Variants in SLC17A9 observed in about 807,000 individuals in gnomAD.
The protein encoded by SLC17A9 is solute carrier family 17 member 9.
In SLC17A9, 49 loss-of-function variants were observed where a neutral mutation model predicts 55.0. The ratio of observed to expected loss-of-function variants is 0.89; its 90% confidence interval spans 0.71 to 1.13. The LOEUF is 1.13. Among genes scored for constraint, SLC17A9 ranks in the 50% most tolerant of loss-of-function variants. SLC17A9 has a pLI of 0.00. For synonymous variants in SLC17A9, 256 were observed against 247.4 expected, an observed-to-expected ratio of 1.03 and a Z score of -0.32; for missense variants, 526 against 569.3, an observed-to-expected ratio of 0.92 and a Z score of 0.77.
At chr20:62,953,362 C>T (rs2065508790) in intron 1 of SLC17A9, 8 of 1,444,988 alleles carry the variant, frequency 5.5e-6, no homozygotes, top group Middle Eastern at 2.0e-4. Flanking sequence ...ACGAGCTCCC[C>T]GCTGGCTTCA....
At chr20:62,965,486 G>A in intron 9 of SLC17A9, 124 bp from the exon 10 acceptor site, 1 of 896,868 alleles carries the variant, frequency 1.1e-6, no homozygotes, top group East Asian at 2.4e-5. Flanking sequence ...AGAGAAGTTT[G>A]TGGTCGCAGC....
At position 62,963,637 on chromosome 20, in the gene SLC17A9, C is replaced by G; in HGVS notation, c.779C>G (p.Ser260Cys). Residue 260 changes from serine to cysteine, a missense_variant, in exon 7 of 13, where the codon TCC (serine) becomes TGC (cysteine). Ser to Cys is a moderately radical substitution (Grantham distance 112, BLOSUM62 -1). Transcript: ENST00000370351. ...SAACSFFILL[S>C]WLPTFFEETF... ...GCCTGCTCCTTCTTCATCCTCCTCT[C>G]CTGGCTGCCCACCTTCTTCGAGGAG... is the stretch of plus-strand genomic sequence containing the variant. The G allele has an allele frequency of 6.2e-7, 1 of 1,603,910 alleles. No homozygotes were observed. The highest frequency in any genetic ancestry group is 8.5e-7 in the Non-Finnish European group (1 of 1,175,314).
chr20:62,961,547 G>A (rs2065589025), intron 4 of SLC17A9, among the ~76,000 whole-genome samples: 1 of 152,196 alleles, frequency 6.6e-6, no homozygotes, highest in Admixed American at 6.5e-5. Flanking sequence ...TGGTGCAGGA[G>A]CTGACCGGGG....
chr20:62,955,646 G>A (rs1246328538), intron 1 of SLC17A9, among the ~76,000 whole-genome samples: 10 of 152,172 alleles, frequency 6.6e-5, no homozygotes, highest in Admixed American at 6.5e-4. Context: ...TTTGGACTGT[G>A]TGGCTTTTAG....
At chr20:62,954,945 A>G (rs1335083740) in intron 1 of SLC17A9, among the ~76,000 whole-genome samples, 1 of 152,094 alleles carries the variant, frequency 6.6e-6, no homozygotes, top group Non-Finnish European at 1.5e-5. Context: ...TGCCACCTGG[A>G]CACAGGTCCC....
chr20:62,957,787 CTGTG>C (rs142003988), intron 3 of SLC17A9, among the ~76,000 whole-genome samples: 3 of 125,972 alleles, frequency 2.4e-5, no homozygotes, highest in African/African-American at 5.7e-5. Flanking sequence ...ATGCGTGCAC[CTGTG>C]TGTGTGTGCG....
chr20:62,963,349 C>G lies in SLC17A9; in HGVS notation c.705C>G (p.Leu235=). Residue 235 remains leucine (L), a synonymous_variant, in exon 6 of 13, where the codon CTC becomes CTG. Transcript: ENST00000370351. ...SRHNRVPWRR[L]FRKPAVWAAV... ...ACAACAGAGTCCCCTGGAGACGGCT[C>G]TTCCGGAAGCCTGCTGTCTGGTGAG... 1.2e-6 allele frequency: 2 copies of G among 1,613,636 alleles called. No individual in the cohort carries two copies. Among genetic ancestry groups the G allele is most frequent in the Non-Finnish European group, 1.7e-6 (2 of 1,179,982 alleles).
rs1328572085 is a variant in SLC17A9 at position 62,952,909 on chromosome 20, A to AG, written c.59+27dup. 21 of 86,910 alleles carry AG rather than the reference A, an allele frequency of 2.4e-4. No homozygotes were observed. The highest frequency in any genetic ancestry group is 1.8e-3 in the African/African-American group (7 of 3,986). The allele number at this position is 86,910 out of a possible 1,614,324, so 5.4% of individuals were successfully genotyped here. A position where few individuals can be genotyped will look rare whatever the true frequency, so the allele number is the denominator to read the frequency against. On this transcript the variant is annotated intron_variant, in intron 1 of 12. Coordinates refer to ENST00000370351, the MANE Select transcript of SLC17A9 (RefSeq NM_022082.4). The stretch of plus-strand genomic sequence containing the variant: ...GTCCAGGTGTGGCGGGGGTGAGGGG[A>AG]GGGGGGGTGGGAGCGGTGGAGATGG...
chr20:62,959,638 C>A (rs935230011), intron 3 of SLC17A9, among the ~76,000 whole-genome samples: 1 of 152,186 alleles, frequency 6.6e-6, no homozygotes, highest in African/African-American at 2.4e-5. Flanking sequence ...CAGCCTCCCT[C>A]GAGGGAGCGA....
chr20:62,954,873 G>A (rs1466283074), intron 1 of SLC17A9, among the ~76,000 whole-genome samples: 1 of 152,248 alleles, frequency 6.6e-6, no homozygotes, highest in African/African-American at 2.4e-5. Flanking sequence ...CAATGGGGGT[G>A]AGGATCAGTG....
In SLC17A9 at chr20:62,962,970, A is replaced by T. The variant is rs2065602034; in HGVS notation, c.628+216A>T. 1 of 710,926 alleles carries T rather than the reference A, an allele frequency of 1.4e-6. No individual in the cohort carries two copies. The highest frequency in any genetic ancestry group is 2.3e-6 in the Non-Finnish European group (1 of 440,874). The allele number at this position is 710,926 out of a possible 1,614,324, so 44.0% of individuals were successfully genotyped here. A position where few individuals can be genotyped will look rare whatever the true frequency, so the allele number is the denominator to read the frequency against. Reference sequence around the variant, plus strand: ...AAGGTTCCATCTAGGGCTAAGGCAGACACCCAGGAAGACCTGCTGGGCACA... The same window carrying T: ...AAGGTTCCATCTAGGGCTAAGGCAGTCACCCAGGAAGACCTGCTGGGCACA... On this transcript the variant is annotated intron_variant, in intron 5 of 12. Coordinates refer to ENST00000370351, the MANE Select transcript of SLC17A9 (RefSeq NM_022082.4). This position sits in a 1 kb window ranked among gnomAD's most constrained non-coding sequence, Gnocchi z 5.5.
Position 62,956,893 on chromosome 20 carries a change from G to A in SLC17A9, c.188G>A (p.Gly63Asp), listed in dbSNP as rs765738624. The change falls in exon 2 of 13, where the codon GGC (glycine) becomes GAC (aspartate). Residue 63 changes from glycine to aspartate, a missense_variant. Coordinates refer to ENST00000370351, the MANE Select transcript of SLC17A9 (RefSeq NM_022082.4). Reference sequence around the variant, plus strand: ...TTCGGCTGGAACAAGAAGGAGGCCGGCATCGTGCTCAGCAGCTTCTTCTGG... The same window carrying A: ...TTCGGCTGGAACAAGAAGGAGGCCGACATCGTGCTCAGCAGCTTCTTCTGG... Reference protein sequence around the residue: ...QDFGWNKKEAGIVLSSFFWGY... With the variant: ...QDFGWNKKEADIVLSSFFWGY... 3.7e-6 allele frequency: 6 copies of A among 1,613,532 alleles called. No homozygotes were observed. Among genetic ancestry groups the A allele is most frequent in the African/African-American group, 1.3e-5 (1 of 74,942 alleles).
Position 62,967,650 on chromosome 20 carries a change from T to G in SLC17A9, c.*150T>G. On this transcript the variant is annotated 3_prime_UTR_variant, in exon 13 of 13. Coordinates refer to ENST00000370351, the MANE Select transcript of SLC17A9 (RefSeq NM_022082.4). ...GGAGCCTGAAGCTCCTTAAGAAGAG[T>G]CCACAACAGCTGGTGGGAGGGTGGG... The G allele has an allele frequency of 6.0e-6, 1 of 166,000 alleles. No homozygotes were observed. The highest frequency in any genetic ancestry group is 7.1e-5 in the South Asian group (1 of 14,130). 10.3% of individuals were successfully genotyped at this position (166,000 alleles called of 1,614,324 possible).
chr20:62,957,017 T>G (rs2065542888), intron 2 of SLC17A9, 55 bp downstream of exon 2: 2 of 1,606,870 alleles, frequency 1.2e-6, no homozygotes, highest in African/African-American at 1.3e-5. Flanking sequence ...CACTGGGGCC[T>G]CCAGGGGCGA....
intron 12 of SLC17A9, 39 bp from the exon 13 acceptor site, chr20:62,967,298 C>T: frequency 6.8e-6 from 11 of 1,610,418 alleles, no homozygotes; most frequent in Admixed American, 1.7e-5. Flanking sequence ...GCCTGGGCTG[C>T]CCGGGAGCAC....
In SLC17A9 at chr20:62,960,593, T is replaced by C; in HGVS notation, c.487T>C (p.Ser163Pro). The change falls in exon 4 of 13, where the codon TCC becomes CCC. Residue 163 changes from serine to proline, a missense_variant. Ser to Pro is a moderately conservative substitution (Grantham distance 74). Coordinates refer to ENST00000370351, the MANE Select transcript of SLC17A9 (RefSeq NM_022082.4). ...AFTYSIVGAGSQFGTLLTGAV... is the reference protein window; with the variant it reads ...AFTYSIVGAGPQFGTLLTGAV... Reference sequence around the variant, plus strand: ...CACCTACAGCATCGTGGGCGCCGGCTCCCAGTTTGGGTAAGTCCTGGCCTA... The same window carrying C: ...CACCTACAGCATCGTGGGCGCCGGCCCCCAGTTTGGGTAAGTCCTGGCCTA... 6.2e-7 allele frequency: 1 copy of C among 1,612,096 alleles called. No homozygotes were observed. Among genetic ancestry groups the C allele is most frequent in the Non-Finnish European group, 8.5e-7 (1 of 1,179,654 alleles).
intron 2 of SLC17A9, chr20:62,957,178 A>G: frequency 1.0e-6 from 1 of 984,250 alleles, no homozygotes; most frequent in Non-Finnish European, 1.2e-6. Flanking sequence ...TCTGGGCAGA[A>G]GACCCCCCCA....
chr20:62,953,498 C>T (rs999005802), intron 1 of SLC17A9, among the ~76,000 whole-genome samples: 4 of 152,212 alleles, frequency 2.6e-5, no homozygotes, highest in African/African-American at 7.2e-5. Flanking sequence ...ATGGTGACCG[C>T]GGGCCATTGG....
Position 62,966,744 on chromosome 20 carries a change from G to T in SLC17A9, c.1147+12G>T, listed in dbSNP as rs772038305. On this transcript the variant is annotated intron_variant, in intron 12 of 12. Transcript: ENST00000370351. ...CGGGGCCTTGGCAGGTGAGGGGCGGGCCTCTGTGCCCAGGAGTTCCCCTGT... is the reference window on the plus strand; with the variant it reads ...CGGGGCCTTGGCAGGTGAGGGGCGGTCCTCTGTGCCCAGGAGTTCCCCTGT... The T allele has an allele frequency of 1.6e-5, 25 of 1,608,236 alleles. No individual in the cohort carries two copies. The South Asian group carries it at 2.2e-4, about 14-fold the overall frequency.
Sources: gnomAD v4.1 joint callset for allele counts (sites outside exome capture counted in the v4.1 genomes callset) on GRCh38, gnomAD v4.1.1 for gene constraint, Gnocchi (gnomAD v3.1) non-coding constraint, MANE v1.5 for transcripts, NCBI Gene and HGNC (gene_info 2026-07-23, HGNC 2026-07-21) for gene names.